EML1: variants seen among roughly 807,000 people sequenced by gnomAD.
The protein encoded by EML1 is EMAP like 1.
EML1 carries 27 observed loss-of-function variants against 110.4 expected under a neutral mutation model. That is an observed-to-expected ratio of 0.24 (90% CI 0.18 to 0.34). The LOEUF (loss-of-function observed/expected upper bound fraction) is 0.34. Ranked by LOEUF, EML1 falls within the 10% of genes least tolerant of loss-of-function variation. The pLI is 1.00. For missense variants in EML1, 741 were observed against 1,030.9 expected (o/e 0.72, Z 3.85); for synonymous variants, 344 against 385.8 (o/e 0.89, Z 1.27).
At chr14:99,801,853 G>T (rs1177170940) in intron 1 of EML1, among the ~76,000 whole-genome samples, 2 of 152,146 alleles carry the variant, frequency 1.3e-5, no homozygotes, top group African/African-American at 4.8e-5. Flanking sequence ...AAGCACTCAA[G>T]TACTCACAGC....
chr14:99,879,446 T>C (rs942361165), intron 4 of EML1, among the ~76,000 whole-genome samples: 9 of 151,900 alleles, frequency 5.9e-5, no homozygotes, highest in East Asian at 1.9e-4. Context: ...GTGTTTTTTT[T>C]CCCAAATGTT....
At chr14:99,741,819 T>A (rs10144665) in intron 1 of EML1, among the ~76,000 whole-genome samples, 2 of 151,992 alleles carry the variant, frequency 1.3e-5, no homozygotes, top group Non-Finnish European at 2.9e-5. Flanking sequence ...GTGGTGTCCC[T>A]TCCCTGGATT....
chr14:99,897,017 A>T, intron 6 of EML1, 128 bp from the exon 7 acceptor site: 1 of 841,228 alleles, frequency 1.2e-6, no homozygotes, highest in Non-Finnish European at 1.7e-6. Flanking sequence ...TTGCAATTTA[A>T]TGTTGTTTAA....
chr14:99,803,949 C>T (rs992269963), intron 1 of EML1, among the ~76,000 whole-genome samples: 1 of 152,190 alleles, frequency 6.6e-6, no homozygotes, highest in Non-Finnish European at 1.5e-5. Flanking sequence ...ACTATTGAGT[C>T]GCTTATGCTT....
In EML1 at chr14:99,777,556, A is replaced by G. The variant is rs60173850; in HGVS notation, c.-27+3543A>G. Reference sequence around the variant, plus strand: ...TGCCTCAGCCTCCCCAGTAGCTGGGATTACAGCCACCTGCCACCAAGCCCA... The same window carrying G: ...TGCCTCAGCCTCCCCAGTAGCTGGGGTTACAGCCACCTGCCACCAAGCCCA... On this transcript the variant is annotated intron_variant, in intron 1 of 22. Transcript: ENST00000327921. 3.9e-5 allele frequency among the ~76,000 whole-genome samples: 6 copies of G among 152,250 alleles called. No homozygotes were observed. In the East Asian group the frequency reaches 1.2e-3, roughly 29 times the overall value.
At chr14:99,861,331 A>G (rs1160788726) in intron 2 of EML1, among the ~76,000 whole-genome samples, 1 of 152,236 alleles carries the variant, frequency 6.6e-6, no homozygotes, top group Non-Finnish European at 1.5e-5. Context: ...TTTCTTTTAC[A>G]TTAAAGAGAG....
At chr14:99,861,134 G>C (rs1325152366) in intron 2 of EML1, among the ~76,000 whole-genome samples, 2 of 152,194 alleles carry the variant, frequency 1.3e-5, no homozygotes, top group Non-Finnish European at 1.5e-5. Context: ...CAAGGCTTTC[G>C]TTACTGAAAT....
chr14:99,936,454 G>A lies in EML1; in HGVS notation c.2095+120G>A. 2 of 898,276 alleles carry A rather than the reference G, an allele frequency of 2.2e-6. No homozygotes were observed. Among genetic ancestry groups the A allele is most frequent in the South Asian group, 1.6e-5 (1 of 63,214 alleles). 55.6% of individuals were successfully genotyped at this position (898,276 alleles called of 1,614,324 possible). A position where few individuals can be genotyped will look rare whatever the true frequency, so the allele number is the denominator to read the frequency against. On this transcript the variant is annotated intron_variant, in intron 19 of 21. Transcript: ENST00000262233. The surrounding 1 kb of genome is among the most constrained non-coding windows in gnomAD (Gnocchi z 5.5). ...ACTTAGGCACGTGCCATCATCTCTA[G>A]GTCATGGTTTCCGCCTCTGTAACGT...
intron 17 of EML1, among the ~76,000 whole-genome samples, chr14:99,933,638 G>A (rs1230352275): frequency 1.3e-5 from 2 of 152,274 alleles, no homozygotes; most frequent in Non-Finnish European, 2.9e-5. Flanking sequence ...GGAAACCTGT[G>A]TGACCTTGGA....
upstream of EML1, among the ~76,000 whole-genome samples, chr14:99,771,149 T>C (rs1420781961): frequency 6.6e-6 from 1 of 152,158 alleles, no homozygotes; most frequent in Non-Finnish European, 1.5e-5. Context: ...GCAGAGTCAA[T>C]GGCTGAGATG....
intron 1 of EML1, among the ~76,000 whole-genome samples, chr14:99,849,861 T>C (rs1249381545): frequency 6.6e-6 from 1 of 151,828 alleles, no homozygotes; most frequent in African/African-American, 2.4e-5. Context: ...AATTGTGTAT[T>C]TGTGTTCATT....
At chr14:99,850,441 T>C (rs2058776967) in intron 1 of EML1, 1 of 872,380 alleles carries the variant, frequency 1.1e-6, no homozygotes, top group Non-Finnish European at 1.6e-6. Context: ...TTGTATGACC[T>C]ACCTGTCAGT....
At chr14:99,748,775 G>A (rs6575745) in intron 1 of EML1, among the ~76,000 whole-genome samples, 116,812 of 152,114 alleles carry the variant, frequency 0.77, 46,278 homozygotes, top group South Asian at 0.87. Context: ...GAACACTTCC[G>A]TCGTCCACGG....
At chr14:99,793,976 C>A (rs560970552) in intron 1 of EML1, among the ~76,000 whole-genome samples, 137 of 152,268 alleles carry the variant, frequency 9.0e-4, no homozygotes, top group African/African-American at 3.3e-3. Flanking sequence ...AATAACAAAA[C>A]CCTCCTGCGA....
rs900348173 is a variant in EML1, at chr14:99,911,994, C to G, written c.1494+418C>G. 1.8e-4 allele frequency among the ~76,000 whole-genome samples: 27 copies of G among 151,806 alleles called. No individual in the cohort carries two copies. In the East Asian group the frequency reaches 4.3e-3, roughly 24 times the overall value. On this transcript the variant is annotated intron_variant, in intron 13 of 21. Coordinates refer to ENST00000262233, the MANE Select transcript of EML1 (RefSeq NM_004434.3). Reference sequence around the variant, plus strand: ...TACTGCAACCTCCCCCTCCTGGGCTCAAGTGATCCTCCCACCTCAGCCTCC... The same window carrying G: ...TACTGCAACCTCCCCCTCCTGGGCTGAAGTGATCCTCCCACCTCAGCCTCC...
intron 4 of EML1, chr14:99,886,122 A>G (rs1290832285): frequency 3.9e-6 from 1 of 259,246 alleles, no homozygotes; most frequent in Non-Finnish European, 7.6e-6. Flanking sequence ...TAGAGTCATT[A>G]TTTCCATGGT....
At chr14:99,881,863 T>G (rs1367389005) in intron 4 of EML1, among the ~76,000 whole-genome samples, 4 of 152,188 alleles carry the variant, frequency 2.6e-5, no homozygotes, top group African/African-American at 9.6e-5. Flanking sequence ...CCTCCCAAAG[T>G]GCTGGGATTA....
intron 16 of EML1, among the ~76,000 whole-genome samples, chr14:99,920,090 G>A (rs2060104630): frequency 6.6e-6 from 1 of 152,108 alleles, no homozygotes; most frequent in Admixed American, 6.6e-5. Flanking sequence ...TCATTTAGTG[G>A]GTACTGTGTG....
intron 17 of EML1, among the ~76,000 whole-genome samples, chr14:99,927,347 A>C (rs1233146284): frequency 2.0e-5 from 3 of 152,100 alleles, no homozygotes; most frequent in Non-Finnish European, 4.4e-5. Flanking sequence ...TGCTGAATGC[A>C]TCTTTGTGGT....
Sources: allele counts gnomAD v4.1 joint callset (sites outside exome capture counted in the v4.1 genomes callset), GRCh38; gene constraint gnomAD v4.1.1; non-coding constraint Gnocchi (gnomAD v3.1); transcripts MANE v1.5; gene names NCBI Gene and HGNC (gene_info 2026-07-23, HGNC 2026-07-21).